CNTN5: variants seen among roughly 807,000 people sequenced by gnomAD.
The protein encoded by CNTN5 is contactin 5.
A neutral mutation model predicts 129.1 loss-of-function variants in CNTN5; 77 were observed. The ratio of observed to expected loss-of-function variants is 0.60; its 90% confidence interval spans 0.50 to 0.72. CNTN5 has a LOEUF of 0.72. Among genes scored for constraint, CNTN5 ranks in the 30% least tolerant of loss-of-function variants. The pLI is 0.00. For synonymous variants in CNTN5, 509 were observed against 465.6 expected (o/e 1.09, Z -1.20); for missense variants, 1,478 against 1,328.8 (o/e 1.11, Z -1.75).
chr11:99,909,491 G>T (rs1281300347), intron 6 of CNTN5, among the ~76,000 whole-genome samples: 3 of 151,916 alleles, frequency 2.0e-5, no homozygotes, highest in African/African-American at 7.3e-5. Flanking sequence ...AAAACATGCT[G>T]CTCTAAAGAC....
At chr11:99,080,801 TA>T (rs1865759231) in intron 1 of CNTN5, among the ~76,000 whole-genome samples, 1 of 152,152 alleles carries the variant, frequency 6.6e-6, no homozygotes, top group African/African-American at 2.4e-5. Flanking sequence ...AATAGATTTG[TA>T]TAAGTGTTTT....
intron 1 of CNTN5, among the ~76,000 whole-genome samples, chr11:99,298,921 T>G (rs1347268990): frequency 1.3e-5 from 2 of 152,088 alleles, no homozygotes; most frequent in Non-Finnish European, 2.9e-5. Flanking sequence ...CACAAAAACA[T>G]TTTCAGCCTG....
intron 13 of CNTN5, among the ~76,000 whole-genome samples, chr11:100,099,761 G>A (rs1025907086): frequency 6.6e-6 from 1 of 151,436 alleles, no homozygotes; most frequent in Non-Finnish European, 1.5e-5. Flanking sequence ...TATCTCCTCT[G>A]AGCTCCTGGG....
At chr11:99,389,876 A>G (rs1941161223) in intron 2 of CNTN5, among the ~76,000 whole-genome samples, 1 of 152,180 alleles carries the variant, frequency 6.6e-6, no homozygotes, top group African/African-American at 2.4e-5. Context: ...ATTAACCAGA[A>G]TTGGCCTTTC....
chr11:99,086,478 G>A (rs748695262), intron 1 of CNTN5, among the ~76,000 whole-genome samples: 4 of 152,160 alleles, frequency 2.6e-5, no homozygotes, highest in Non-Finnish European at 4.4e-5. Context: ...GGGGGCCAGT[G>A]AGAGCAGGAT....
chr11:100,202,728 T>C (rs77748997), intron 15 of CNTN5, among the ~76,000 whole-genome samples: 9 of 152,062 alleles, frequency 5.9e-5, no homozygotes, highest in East Asian at 3.9e-4. Context: ...TATTATTTCA[T>C]TGGATTCCTG....
At chr11:100,017,248 G>A (rs1286192821) in intron 9 of CNTN5, among the ~76,000 whole-genome samples, 3 of 151,788 alleles carry the variant, frequency 2.0e-5, no homozygotes, top group Admixed American at 6.6e-5. Context: ...AGTATTTCCC[G>A]TACAGACACA....
intron 15 of CNTN5, among the ~76,000 whole-genome samples, chr11:100,208,819 CTTGATCTGGACTCAG>C (rs1414535038): frequency 6.6e-6 from 1 of 152,190 alleles, no homozygotes. Flanking sequence ...TGGTCAGTGG[CTTGATCTGGACTCAG>C]TTGAGTGACT....
At chr11:100,091,402 T>G (rs9734686) in intron 13 of CNTN5, among the ~76,000 whole-genome samples, 49,314 of 149,472 alleles carry the variant, frequency 0.33, 8,391 homozygotes, top group South Asian at 0.45. Flanking sequence ...CAATGTTCTT[T>G]TTGGTTTATT....
intron 3 of CNTN5, among the ~76,000 whole-genome samples, chr11:99,573,380 CT>C (rs1343246124): frequency 6.6e-6 from 1 of 151,886 alleles, no homozygotes; most frequent in Non-Finnish European, 1.5e-5. Context: ...ACCATCCTGG[CT>C]AACACAGTGA....
chr11:100,038,577 C>T (rs1264220333), intron 9 of CNTN5, among the ~76,000 whole-genome samples: 1 of 152,130 alleles, frequency 6.6e-6, no homozygotes, highest in Middle Eastern at 3.2e-3. Flanking sequence ...GTGTTAAAAT[C>T]TCCCATTATT....
intron 16 of CNTN5, among the ~76,000 whole-genome samples, chr11:100,230,294 T>C (rs1949462379): frequency 6.6e-6 from 1 of 152,206 alleles, no homozygotes; most frequent in Non-Finnish European, 1.5e-5. Flanking sequence ...ATTGCTATTA[T>C]TGTATGGGAT....
chr11:100,197,667 C>T (rs549411852), intron 15 of CNTN5, among the ~76,000 whole-genome samples: 2 of 151,958 alleles, frequency 1.3e-5, no homozygotes, highest in East Asian at 3.9e-4. Flanking sequence ...CCACTGTTTT[C>T]CAGTGACTTG....
chr11:99,811,449 A>C (rs1946425608), intron 3 of CNTN5, among the ~76,000 whole-genome samples: 1 of 148,082 alleles, frequency 6.8e-6, no homozygotes, highest in African/African-American at 2.5e-5. Context: ...TATTTTGTTA[A>C]TATTTTATTT....
intron 3 of CNTN5, among the ~76,000 whole-genome samples, chr11:99,731,133 G>C (rs967623309): frequency 6.6e-6 from 1 of 151,740 alleles, no homozygotes; most frequent in Non-Finnish European, 1.5e-5. Context: ...TTTTGAGACG[G>C]AGTCTTGCTC....
chr11:99,401,477 G>A (rs1333187416), intron 2 of CNTN5, among the ~76,000 whole-genome samples: 2 of 151,974 alleles, frequency 1.3e-5, no homozygotes, highest in South Asian at 2.1e-4. Flanking sequence ...TGTTATTTTG[G>A]TTACTATACC....
rs201537132 is a variant in CNTN5, at chr11:100,356,543, G to T, written c.*323G>T. The T allele has an allele frequency of 7.4e-5, 20 of 271,750 alleles. No homozygotes were observed. Among genetic ancestry groups the T allele is most frequent in the Non-Finnish European group, 1.3e-4 (18 of 143,426 alleles). 16.8% of individuals were successfully genotyped at this position (271,750 alleles called of 1,614,324 possible). ...GTTGGGATTTTATTTTATATCTGAT[G>T]ACTCCGAGTGTGTGCCATCCATTTG... On this transcript the variant is annotated 3_prime_UTR_variant, in exon 25 of 25. Coordinates refer to ENST00000524871, the MANE Select transcript of CNTN5 (RefSeq NM_014361.4).
chr11:99,328,130 A>T (rs906518055), intron 2 of CNTN5, among the ~76,000 whole-genome samples: 1 of 152,228 alleles, frequency 6.6e-6, no homozygotes, highest in African/African-American at 2.4e-5. Flanking sequence ...CTTGACAATT[A>T]CACAGAAATT....
At chr11:99,733,938 T>C (rs1363724246) in intron 3 of CNTN5, among the ~76,000 whole-genome samples, 7 of 152,292 alleles carry the variant, frequency 4.6e-5, no homozygotes, top group Non-Finnish European at 8.8e-5. Context: ...ACTGCTTTTT[T>C]TCCCCAGCAG....
Sources: allele counts gnomAD v4.1 joint callset (sites outside exome capture counted in the v4.1 genomes callset), GRCh38; gene constraint gnomAD v4.1.1; transcripts MANE v1.5; gene names NCBI Gene and HGNC (gene_info 2026-07-23, HGNC 2026-07-21).